TBL1X: variants seen among roughly 807,000 people sequenced by gnomAD.
The protein encoded by TBL1X is transducin beta like 1 X-linked, also known as F-box-like/WD repeat-containing protein TBL1X.
TBL1X carries 10 observed loss-of-function variants against 50.7 expected under a neutral mutation model. The observed-to-expected ratio is 0.20, with a 90% CI of 0.12 to 0.33. The LOEUF is 0.33. Among genes scored for constraint, TBL1X ranks in the 10% least tolerant of loss-of-function variants. The pLI, the probability that TBL1X is intolerant of heterozygous loss-of-function variation, is 1.00. For missense variants in TBL1X, 340 were observed against 504.4 expected, an observed-to-expected ratio of 0.67 and a Z score of 3.12; for synonymous variants, 190 against 214.7, an observed-to-expected ratio of 0.88 and a Z score of 1.01.
At chrX:9,665,913 T>C (rs979341380) in intron 5 of TBL1X, among the ~76,000 whole-genome samples, 1 of 110,754 alleles carries the variant, frequency 9.0e-6, no homozygotes, top group Admixed American at 9.7e-5. Flanking sequence ...GTAGGAAATA[T>C]ACTTTAAGGG....
chrX:9,542,979 C>T (rs1459327152), intron 2 of TBL1X, among the ~76,000 whole-genome samples: 2 of 111,727 alleles, frequency 1.8e-5, no homozygotes, highest in East Asian at 2.8e-4. Flanking sequence ...CCATACTGAA[C>T]GTTTGTGTGT....
chrX:9,597,139 G>A (rs1412526750), intron 2 of TBL1X, among the ~76,000 whole-genome samples: 1 of 111,624 alleles, frequency 9.0e-6, no homozygotes, highest in African/African-American at 3.3e-5. Context: ...GTGGATAGGA[G>A]ACTCAGGAAA....
At chrX:9,546,200 A>G (rs1256985808) in intron 2 of TBL1X, among the ~76,000 whole-genome samples, 1 of 112,099 alleles carries the variant, frequency 8.9e-6, no homozygotes, top group African/African-American at 3.2e-5. Context: ...ACTGATTACC[A>G]TAAATTAATT....
intron 5 of TBL1X, among the ~76,000 whole-genome samples, chrX:9,673,475 G>A (rs1429454935): frequency 1.8e-5 from 2 of 111,807 alleles, no homozygotes; most frequent in African/African-American, 6.5e-5. Flanking sequence ...ATTTACAGAT[G>A]AGAAACCCAA....
intron 2 of TBL1X, among the ~76,000 whole-genome samples, chrX:9,625,891 C>T (rs753401421): frequency 2.7e-5 from 3 of 112,141 alleles, no homozygotes; most frequent in African/African-American, 6.5e-5. Context: ...TACAGTGAGC[C>T]GAGATCATGC....
intron 2 of TBL1X, among the ~76,000 whole-genome samples, chrX:9,540,339 T>C (rs748734527): frequency 1.1e-4 from 12 of 112,290 alleles, no homozygotes; most frequent in African/African-American, 1.6e-4. Context: ...GCCAGAGCCA[T>C]ACAAGTGTTC....
chrX:9,564,974 T>A (rs1217000599), intron 2 of TBL1X, among the ~76,000 whole-genome samples: 1 of 107,566 alleles, frequency 9.3e-6, no homozygotes, highest in African/African-American at 3.4e-5. Context: ...AAAAGTATAC[T>A]AAAAAAAAAT....
At chrX:9,600,465 T>TGGGCG (rs1440008066) in intron 2 of TBL1X, among the ~76,000 whole-genome samples, 1 of 2,004 alleles carries the variant, frequency 5.0e-4, no homozygotes, top group African/African-American at 8.7e-4. Context: ...AGGAATTTGG[T>TGGGCG]GGGCGGGGGG....
chrX:9,607,523 C>T (rs1248137772), intron 2 of TBL1X, among the ~76,000 whole-genome samples: 2 of 112,734 alleles, frequency 1.8e-5, no homozygotes, highest in African/African-American at 3.2e-5. Context: ...GGAGTTGCCG[C>T]TCTCACCCTT....
At chrX:9,565,780 G>A (rs1327608390) in intron 2 of TBL1X, among the ~76,000 whole-genome samples, 5 of 110,461 alleles carry the variant, frequency 4.5e-5, no homozygotes, top group African/African-American at 1.3e-4. Flanking sequence ...GCAGTGAGTC[G>A]TGATGGTGCC....
In TBL1X at chrX:9,653,706, T is replaced by C. The variant is rs202036572; in HGVS notation, c.103+17T>C. On this transcript the variant is annotated intron_variant, in intron 4 of 17. Coordinates refer to ENST00000645353, the MANE Select transcript of TBL1X (RefSeq NM_005647.4). ...GAGGGAGAGGTACTGCGGTTCCTCA[T>C]GTGGCCAGGACCGTGTGGTCACTCT... 4.2e-4 allele frequency: 487 copies of C among 1,153,753 alleles called. No individual in the cohort carries two copies. The highest frequency in any genetic ancestry group is 9.4e-5 in the Non-Finnish European group (81 of 861,357).
chrX:9,592,220 C>T (rs889762143), intron 2 of TBL1X, among the ~76,000 whole-genome samples: 3 of 111,541 alleles, frequency 2.7e-5, no homozygotes, highest in Admixed American at 9.5e-5. Context: ...TCCATTTGTC[C>T]GCTCTGTTTA....
intron 1 of TBL1X, among the ~76,000 whole-genome samples, chrX:9,473,052 G>C (rs2081827621): frequency 8.9e-6 from 1 of 111,824 alleles, no homozygotes; most frequent in South Asian, 3.7e-4. Context: ...CTGTTACCTT[G>C]TCATCTATGT....
chrX:9,689,377 C>T (rs2083083753), intron 7 of TBL1X, among the ~76,000 whole-genome samples: 1 of 112,386 alleles, frequency 8.9e-6, no homozygotes, highest in Non-Finnish European at 1.9e-5. Flanking sequence ...CTTGGAGAAG[C>T]AGATCCAGCA....
chrX:9,466,302 G>T (rs759821006), intron 1 of TBL1X, among the ~76,000 whole-genome samples: 3 of 112,338 alleles, frequency 2.7e-5, no homozygotes, highest in South Asian at 3.6e-4. Flanking sequence ...GCGCTGGCCG[G>T]ATATGTGACA....
chrX:9,638,148 A>G (rs765912981), intron 2 of TBL1X, among the ~76,000 whole-genome samples: 37 of 111,698 alleles, frequency 3.3e-4, no homozygotes, highest in Non-Finnish European at 5.8e-4. Context: ...TCCATGTTCA[A>G]TGTGGAGGGA....
intron 2 of TBL1X, among the ~76,000 whole-genome samples, chrX:9,576,305 G>T (rs2147015400): frequency 8.9e-6 from 1 of 112,413 alleles, no homozygotes; most frequent in South Asian, 3.7e-4. Flanking sequence ...CAGATGCCAG[G>T]CCTATTGCAG....
Position 9,665,521 on chromosome X carries a change from A to T in TBL1X, c.211+11199A>T, listed in dbSNP as rs1175451479. On this transcript the variant is annotated intron_variant, in intron 5 of 17. Transcript: ENST00000645353. ...TATATATATATATATATATATATAT[A>T]TATATATATATATATATAAAAGGCC... Among the ~76,000 whole-genome samples the T allele has an allele frequency of 3.5e-5, 2 of 56,667 alleles. 1 individual carries two copies. The highest frequency in any genetic ancestry group is 4.8e-4 in the Admixed American group (2 of 4,196). The allele number at this position is 56,667 out of a possible 115,157, so 49.2% of individuals were successfully genotyped here.
chrX:9,533,382 G>A (rs1310447030), intron 2 of TBL1X, among the ~76,000 whole-genome samples: 2 of 111,127 alleles, frequency 1.8e-5, no homozygotes, highest in Non-Finnish European at 3.8e-5. Flanking sequence ...TTTTCAAAAC[G>A]TTTCTTCTAG....
Sources: gnomAD v4.1 joint callset for allele counts (sites outside exome capture counted in the v4.1 genomes callset) on GRCh38, gnomAD v4.1.1 for gene constraint, MANE v1.5 for transcripts, NCBI Gene and HGNC (gene_info 2026-07-23, HGNC 2026-07-21) for gene names.